Variants in CASQ2 observed in about 807,000 individuals in gnomAD.
The protein encoded by CASQ2 is calsequestrin-2.
CASQ2 carries 49 observed loss-of-function variants against 46.5 expected under a neutral mutation model. The ratio of observed to expected loss-of-function variants is 1.05; its 90% CI spans 0.84 to 1.34. The LOEUF is 1.34. CASQ2 is among the 40% of genes most tolerant of loss of function. The pLI, the probability that CASQ2 is intolerant of heterozygous loss-of-function variation, is 0.00. For synonymous variants in CASQ2, 174 were observed against 168.5 expected, an observed-to-expected ratio of 1.03 and a Z score of -0.25; for missense variants, 486 against 481.3, an observed-to-expected ratio of 1.01 and a Z score of -0.09.
chr1:115,705,913 A>G (rs963312009), intron 8 of CASQ2, among the ~76,000 whole-genome samples: 1 of 151,768 alleles, frequency 6.6e-6, no homozygotes, highest in African/African-American at 2.4e-5. Flanking sequence ...TAAGAAAAGC[A>G]GAGAGGAGCT....
chr1:115,768,504 A>G lies in CASQ2; in HGVS notation c.38T>C (p.Phe13Ser). The change falls in exon 1 of 11, where the codon TTT becomes TCT. Residue 13 changes from phenylalanine to serine, a missense_variant. Phe to Ser is a radical substitution (Grantham distance 155). Coordinates refer to ENST00000261448, the MANE Select transcript of CASQ2 (RefSeq NM_001232.4). ...RTHLFIVGIY[F>S]LSSCRAEEGL... ...CTCTTCTGCCCTGCAAGAGGACAGA[A>G]AATAAATCCCCACAATAAACAAGTG... 1.2e-6 allele frequency: 2 copies of G among 1,613,710 alleles called. No homozygotes were observed. The highest frequency in any genetic ancestry group is 1.7e-6 in the Non-Finnish European group (2 of 1,179,618).
chr1:115,707,382 G>T (rs1206231368), intron 8 of CASQ2, among the ~76,000 whole-genome samples: 1 of 152,118 alleles, frequency 6.6e-6, no homozygotes, highest in Admixed American at 6.5e-5. Context: ...AGTGGACCTC[G>T]GTGATCTTTT....
intron 2 of CASQ2, among the ~76,000 whole-genome samples, chr1:115,743,232 T>A (rs9428209): frequency 6.8e-6 from 1 of 147,394 alleles, no homozygotes; most frequent in African/African-American, 2.5e-5. Flanking sequence ...TTTATTTATT[T>A]ATTCATTCAT....
rs767023791 is a variant in CASQ2 at position 115,702,947 on chromosome 1, G to A, written c.988C>T (p.Gln330Ter). 5 of 1,613,688 alleles carry A rather than the reference G, an allele frequency of 3.1e-6. No homozygotes were observed. The highest frequency in any genetic ancestry group is 4.2e-6 in the Non-Finnish European group (5 of 1,179,848). Residue 330 changes from glutamine to a stop codon, truncating the protein, a stop_gained, in exon 10 of 11, where the codon CAG (glutamine) becomes TAG (stop). Transcript: ENST00000261448. LOFTEE classifies it high-confidence loss of function. ...TCTGTGACATTCACCACCCCAATCT[G>A]TGGCCTGAATAGGTCAATCTTGAAA... ...KTFKIDLFRP[Q>*]IGVVNVTDAD... is the part of the protein sequence containing the mutation.
At chr1:115,730,091 T>G (rs923252050) in intron 5 of CASQ2, among the ~76,000 whole-genome samples, 1 of 152,190 alleles carries the variant, frequency 6.6e-6, no homozygotes, top group African/African-American at 2.4e-5. Context: ...TATTAATAGA[T>G]CAGTACTGGT....
intron 10 of CASQ2, among the ~76,000 whole-genome samples, chr1:115,701,652 T>C (rs938274194): frequency 6.6e-6 from 1 of 152,226 alleles, no homozygotes; most frequent in Non-Finnish European, 1.5e-5. Context: ...GGAATATATA[T>C]GACATTTCTG....
chr1:115,759,090 T>C (rs987665652), intron 1 of CASQ2, among the ~76,000 whole-genome samples: 2 of 152,178 alleles, frequency 1.3e-5, no homozygotes, highest in Admixed American at 6.5e-5. Flanking sequence ...CATTTAAGCA[T>C]AGACCTAAAG....
chr1:115,726,659 C>T (rs926266076), intron 6 of CASQ2, among the ~76,000 whole-genome samples: 4 of 152,182 alleles, frequency 2.6e-5, no homozygotes, highest in Non-Finnish European at 5.9e-5. Context: ...AATAGTTTCC[C>T]TAAAGCACTG....
chr1:115,734,311 T>C (rs1647884241), intron 4 of CASQ2, among the ~76,000 whole-genome samples: 1 of 152,204 alleles, frequency 6.6e-6, no homozygotes, highest in South Asian at 2.1e-4. Context: ...ATCAGAATCC[T>C]CTATCCCCCT....
At chr1:115,730,972 G>T (rs185523747) in intron 5 of CASQ2, among the ~76,000 whole-genome samples, 1 of 152,128 alleles carries the variant, frequency 6.6e-6, no homozygotes, top group African/African-American at 2.4e-5. Flanking sequence ...ACCAGGTGCA[G>T]TCATGCCTTC....
chr1:115,738,261 G>A lies in CASQ2; in HGVS notation c.495C>T (p.Ile165=), dbSNP rs1447782106. 4.3e-6 allele frequency: 7 copies of A among 1,613,220 alleles called. No homozygotes were observed. Among genetic ancestry groups the A allele is most frequent in the Non-Finnish European group, 5.1e-6 (6 of 1,179,116 alleles). ...CACTCTTGAAAAAGCCAATGAGTTT[G>A]ATGTAGTCTTCAATGCGTTCGAAGG... ...VQAFERIEDY[I]KLIGFFKSED... is the part of the protein sequence containing the mutation. The change falls in exon 4 of 11, where the codon ATC becomes ATT. Residue 165 remains isoleucine (I), a synonymous_variant. Coordinates refer to ENST00000261448, the MANE Select transcript of CASQ2 (RefSeq NM_001232.4).
At chr1:115,739,395 A>G (rs111452798) in intron 3 of CASQ2, among the ~76,000 whole-genome samples, 5,265 of 152,000 alleles carry the variant, frequency 0.035, 208 homozygotes, top group African/African-American at 0.093. Context: ...GATTACAGGC[A>G]TGAGCCACCA....
intron 5 of CASQ2, among the ~76,000 whole-genome samples, chr1:115,729,916 G>A (rs1405989536): frequency 1.3e-5 from 2 of 152,222 alleles, no homozygotes; most frequent in African/African-American, 4.8e-5. Flanking sequence ...CACTCAGACA[G>A]AGAGAGGAAC....
intron 1 of CASQ2, among the ~76,000 whole-genome samples, chr1:115,760,969 T>G (rs1185360762): frequency 6.6e-6 from 1 of 152,194 alleles, no homozygotes; most frequent in African/African-American, 2.4e-5. Context: ...TTATAAGAAA[T>G]TCTTATTCAC....
chr1:115,712,077 A>G (rs10923250), intron 8 of CASQ2, among the ~76,000 whole-genome samples: 81,558 of 151,972 alleles, frequency 0.54, 22,061 homozygotes, highest in East Asian at 0.66. Context: ...TGGTCTCTAG[A>G]CCAGAGCTCA....
intron 7 of CASQ2, 63 bp from the exon 8 acceptor site, chr1:115,717,957 G>T: frequency 8.9e-7 from 1 of 1,121,486 alleles, no homozygotes; most frequent in Non-Finnish European, 1.4e-6. Flanking sequence ...ACTGAGCCAG[G>T]GACAGGGACT....
chr1:115,708,435 C>T (rs1408238869), intron 8 of CASQ2, among the ~76,000 whole-genome samples: 3 of 152,218 alleles, frequency 2.0e-5, no homozygotes, highest in East Asian at 1.9e-4. Context: ...GCCCATTCTT[C>T]AGGGAGTCAG....
In CASQ2 at chr1:115,701,108, G is replaced by T; in HGVS notation, c.*133C>A. The T allele has an allele frequency of 7.3e-7, 1 of 1,370,336 alleles. No individual in the cohort carries two copies. The highest frequency in any genetic ancestry group is 1.0e-6 in the Non-Finnish European group (1 of 961,590). 84.9% of individuals were successfully genotyped at this position (1,370,336 alleles called of 1,614,324 possible). On this transcript the variant is annotated 3_prime_UTR_variant, in exon 11 of 11. Coordinates refer to ENST00000261448, the MANE Select transcript of CASQ2 (RefSeq NM_001232.4). Reference sequence around the variant, plus strand: ...TGATGCTGCTCCTGACGCAAAGGGAGTGGGAAAAGAGATGATGGAAAAGGG... The same window carrying T: ...TGATGCTGCTCCTGACGCAAAGGGATTGGGAAAAGAGATGATGGAAAAGGG...
At position 115,703,055 on chromosome 1, in the gene CASQ2, C is replaced by A. The variant is rs28730714; in HGVS notation, c.940-60G>T. On this transcript the variant is annotated intron_variant, in intron 9 of 10. Coordinates refer to ENST00000261448, the MANE Select transcript of CASQ2 (RefSeq NM_001232.4). ...CAGAGGGCATTCTCTGTTAAGGACC[C>A]ACCCGCCGTCCCATCACAGTAACTA... is the stretch of plus-strand genomic sequence containing the variant. 5,827 of 1,325,580 alleles carry A rather than the reference C, an allele frequency of 4.4e-3. 168 individuals carry two copies. In the African/African-American group the frequency reaches 0.067, roughly 15 times the overall value. The allele number at this position is 1,325,580 out of a possible 1,614,324, so 82.1% of individuals were successfully genotyped here. A position where few individuals can be genotyped will look rare whatever the true frequency, so the allele number is the denominator to read the frequency against.
Sources: allele counts gnomAD v4.1 joint callset (sites outside exome capture counted in the v4.1 genomes callset), GRCh38; gene constraint gnomAD v4.1.1; transcripts MANE v1.5; gene names NCBI Gene and HGNC (gene_info 2026-07-23, HGNC 2026-07-21).